Variants in IFT88 observed in about 807,000 individuals in gnomAD.
The protein encoded by IFT88 is intraflagellar transport protein 88 homolog.
Under a neutral mutation model 119.5 loss-of-function variants are expected in IFT88, and 74 were observed. The observed-to-expected ratio is 0.62, with a 90% confidence interval of 0.51 to 0.75. IFT88 has a LOEUF of 0.75. Among genes scored for constraint, IFT88 ranks in the 30% least tolerant of loss-of-function variants. IFT88 has a pLI of 0.00. For synonymous variants in IFT88, 279 were observed against 316.7 expected (o/e 0.88, Z 1.26); for missense variants, 961 against 977.7 (o/e 0.98, Z 0.23).
Position 20,638,387 on chromosome 13 carries a change from G to GAC in IFT88, c.1443_1444insCA (p.Tyr482HisfsTer31). The stretch of plus-strand genomic sequence containing the variant: ...GCAGATATAGCTGTGAACTCTGATA[G>GAC]ATATAATCCAGCAGCTCTTACTAAT... On this transcript the variant is annotated frameshift_variant, in exon 17 of 26. Coordinates refer to ENST00000351808, the MANE Select transcript of IFT88 (RefSeq NM_006531.5). LOFTEE classifies it high-confidence loss of function. 6.7e-7 allele frequency: 1 copy of GAC among 1,500,158 alleles called. No individual in the cohort carries two copies. Among genetic ancestry groups the GAC allele is most frequent in the South Asian group, 1.5e-5 (1 of 68,122 alleles). The allele number at this position is 1,500,158 out of a possible 1,614,324, so 92.9% of individuals were successfully genotyped here. A position where few individuals can be genotyped will look rare whatever the true frequency, so the allele number is the denominator to read the frequency against.
chr13:20,606,079 T>G (rs535535756), intron 13 of IFT88, among the ~76,000 whole-genome samples: 1 of 152,316 alleles, frequency 6.6e-6, no homozygotes, highest in African/African-American at 2.4e-5. Flanking sequence ...CCTTTCTCCC[T>G]TCGCTGGAGA....
chr13:20,653,392 G>A (rs1348564822), intron 20 of IFT88, among the ~76,000 whole-genome samples: 1 of 152,116 alleles, frequency 6.6e-6, no homozygotes, highest in Non-Finnish European at 1.5e-5. Flanking sequence ...CCTGGTTTTG[G>A]TTATTTATTT....
chr13:20,652,274 T>C (rs574228415), intron 20 of IFT88, among the ~76,000 whole-genome samples: 1 of 152,346 alleles, frequency 6.6e-6, no homozygotes, highest in African/African-American at 2.4e-5. Context: ...AAAACCATTG[T>C]ATTGTGTCCT....
Position 20,598,754 on chromosome 13 carries a change from G to A in IFT88, c.697+1G>A. 1.3e-6 allele frequency: 2 copies of A among 1,556,122 alleles called. No individual in the cohort carries two copies. Among genetic ancestry groups the A allele is most frequent in the East Asian group, 2.3e-5 (1 of 44,396 alleles). ...AAAAATAAGATGTTTAGCAATGCAG[G>A]TAAGTGTACATAATCAGTTTTTCCA... On this transcript the variant is annotated splice_donor_variant, in intron 10 of 25. Transcript: ENST00000351808. LOFTEE classifies it high-confidence loss of function.
Position 20,670,820 on chromosome 13 carries a change from CT to C in IFT88, c.2176-140del, listed in dbSNP as rs397959694. 2.7e-3 allele frequency among the ~76,000 whole-genome samples: 391 copies of C among 142,316 alleles called. 1 individual carries two copies. Among genetic ancestry groups the C allele is most frequent in the African/African-American group, 6.2e-3 (241 of 39,066 alleles). 93.4% of individuals were successfully genotyped at this position (142,316 alleles called of 152,430 possible). A position where few individuals can be genotyped will look rare whatever the true frequency, so the allele number is the denominator to read the frequency against. ...CCCTCCACTTACAAAACAACTCAGG[CT>C]TTTTTTTTTTTTCTATAGAATCAAC... is the stretch of plus-strand genomic sequence containing the variant. On this transcript the variant is annotated intron_variant, in intron 23 of 25. Coordinates refer to ENST00000351808, the MANE Select transcript of IFT88 (RefSeq NM_006531.5).
Position 20,607,687 on chromosome 13 carries a change from G to A in IFT88, c.1112+2582G>A, listed in dbSNP as rs1594131752. The A allele has an allele frequency of 1.8e-5, 15 of 852,670 alleles. No individual in the cohort carries two copies. The East Asian group carries it at 3.7e-4, about 21-fold the overall frequency. 52.8% of individuals were successfully genotyped at this position (852,670 alleles called of 1,614,324 possible). A position where few individuals can be genotyped will look rare whatever the true frequency, so the allele number is the denominator to read the frequency against. On this transcript the variant is annotated intron_variant, in intron 13 of 25. Coordinates refer to ENST00000351808, the MANE Select transcript of IFT88 (RefSeq NM_006531.5). ...CAGCTTTCCTGGTCAGCAGCGACTT[G>A]ACTACGTCTCACAGTGGCCCTGGAT...
chr13:20,655,372 G>T (rs536590106), intron 21 of IFT88, among the ~76,000 whole-genome samples: 217 of 151,646 alleles, frequency 1.4e-3, no homozygotes, highest in Non-Finnish European at 2.4e-3. Flanking sequence ...GCGAAGGTTG[G>T]AGGTTGCAGT....
chr13:20,594,332 A>G (rs1212884630), intron 7 of IFT88, among the ~76,000 whole-genome samples: 4 of 152,180 alleles, frequency 2.6e-5, no homozygotes, highest in Admixed American at 1.3e-4. Flanking sequence ...TAAAAAGCCA[A>G]GAAGATCTTT....
At chr13:20,670,604 C>T (rs1453068147) in intron 23 of IFT88, among the ~76,000 whole-genome samples, 1 of 148,124 alleles carries the variant, frequency 6.8e-6, no homozygotes, top group Non-Finnish European at 1.5e-5. Flanking sequence ...AAGAAATGGC[C>T]CTTTTGTAGA....
chr13:20,587,305 T>A (rs1387280729), intron 3 of IFT88, among the ~76,000 whole-genome samples: 1 of 152,108 alleles, frequency 6.6e-6, no homozygotes, highest in Non-Finnish European at 1.5e-5. Flanking sequence ...TTGCCCAGGC[T>A]GGAGTACAGT....
intron 4 of IFT88, among the ~76,000 whole-genome samples, chr13:20,590,494 A>G (rs1477433344): frequency 3.3e-5 from 5 of 152,176 alleles, no homozygotes; most frequent in African/African-American, 1.2e-4. Flanking sequence ...ATGTTCCTTT[A>G]TATGAGTGAA....
At chr13:20,627,343 T>A (rs1194978902) in intron 15 of IFT88, among the ~76,000 whole-genome samples, 1 of 152,214 alleles carries the variant, frequency 6.6e-6, no homozygotes, top group Non-Finnish European at 1.5e-5. Flanking sequence ...AGAATAATTT[T>A]GTGTGTGACA....
intron 17 of IFT88, among the ~76,000 whole-genome samples, chr13:20,640,479 A>G (rs1372841944): frequency 1.3e-5 from 2 of 152,012 alleles, no homozygotes; most frequent in African/African-American, 4.8e-5. Context: ...AGGCTGAGGC[A>G]GGAGAATGGC....
At chr13:20,599,604 G>A (rs778850991) in intron 11 of IFT88, 39 bp downstream of exon 11, 3 of 918,988 alleles carry the variant, frequency 3.3e-6, no homozygotes, top group Admixed American at 2.4e-5. Flanking sequence ...TAAAATTTAA[G>A]TGTTTTTCTG....
chr13:20,595,627 T>G (rs1327153067), intron 7 of IFT88, among the ~76,000 whole-genome samples: 2 of 152,174 alleles, frequency 1.3e-5, no homozygotes, highest in Non-Finnish European at 2.9e-5. Context: ...ATTTTACTAT[T>G]ATGAATAATT....
Position 20,644,949 on chromosome 13 carries a change from C to T in IFT88, c.1940C>T (p.Ser647Phe), listed in dbSNP as rs765444887. The T allele has an allele frequency of 6.7e-7, 1 of 1,486,784 alleles. No homozygotes were observed. Among genetic ancestry groups the T allele is most frequent in the East Asian group, 2.3e-5 (1 of 44,074 alleles). The allele number at this position is 1,486,784 out of a possible 1,614,324, so 92.1% of individuals were successfully genotyped here. ...EKAIQYFERA[S>F]LIQPTQVKWQ... is the part of the protein sequence containing the mutation. The stretch of plus-strand genomic sequence containing the variant: ...GCTATTCAGTACTTTGAAAGAGCTT[C>T]TCTTATACAGTAAGTAATCATTAGG... The change falls in exon 20 of 26, where the codon TCT (serine) becomes TTT (phenylalanine). Residue 647 changes from serine (S) to phenylalanine (F), a missense_variant. By Grantham distance (155) the Ser-to-Phe change is radical. Transcript: ENST00000351808.
intron 20 of IFT88, among the ~76,000 whole-genome samples, chr13:20,652,302 A>G (rs1256402795): frequency 1.3e-5 from 2 of 152,186 alleles, no homozygotes; most frequent in Admixed American, 1.3e-4. Context: ...GGTAAATTGT[A>G]TGGTATATGA....
At chr13:20,671,685 C>A (rs2055884271) in intron 24 of IFT88, among the ~76,000 whole-genome samples, 1 of 152,202 alleles carries the variant, frequency 6.6e-6, no homozygotes. Flanking sequence ...TTCTCTACTT[C>A]AGGCAGGCAG....
intron 24 of IFT88, 73 bp downstream of exon 24, chr13:20,671,112 C>G (rs1297811389): frequency 1.7e-6 from 2 of 1,202,986 alleles, no homozygotes; most frequent in African/African-American, 3.0e-5. Context: ...AAACATCTTG[C>G]AATAATCTAA....
Sources: allele counts gnomAD v4.1 joint callset (sites outside exome capture counted in the v4.1 genomes callset), GRCh38; gene constraint gnomAD v4.1.1; transcripts MANE v1.5; gene names NCBI Gene and HGNC (gene_info 2026-07-23, HGNC 2026-07-21).